FHL5: variants seen among roughly 807,000 people sequenced by gnomAD.
The protein encoded by FHL5 is four and a half LIM domains 5.
Under a neutral mutation model 32.0 loss-of-function variants are expected in FHL5, and 33 were observed. That is an observed-to-expected ratio of 1.03 (90% CI 0.78 to 1.38). The LOEUF is 1.38. FHL5 is among the 40% of genes most tolerant of loss of function. FHL5 has a pLI of 0.00. For synonymous variants in FHL5, 114 were observed against 113.6 expected, an observed-to-expected ratio of 1.00 and a Z score of -0.02; for missense variants, 336 against 343.9, an observed-to-expected ratio of 0.98 and a Z score of 0.18.
At chr6:96,573,124 A>G (rs1287586495) in intron 1 of FHL5, among the ~76,000 whole-genome samples, 1 of 152,180 alleles carries the variant, frequency 6.6e-6, no homozygotes. Flanking sequence ...ATTCATTCAT[A>G]TTTTCATTCA....
At chr6:96,602,446 T>C (rs1771172836) in intron 1 of FHL5, among the ~76,000 whole-genome samples, 8 of 114,006 alleles carry the variant, frequency 7.0e-5, no homozygotes, top group African/African-American at 1.2e-4. Flanking sequence ...TTTTTTTTTT[T>C]TTTTTTTTTT....
At chr6:96,585,046 T>G (rs1446583884) in intron 1 of FHL5, among the ~76,000 whole-genome samples, 1 of 152,130 alleles carries the variant, frequency 6.6e-6, no homozygotes, top group Admixed American at 6.6e-5. Context: ...CTACTGACTG[T>G]CCATCAGTCA....
Position 96,615,983 on chromosome 6 carries a change from A to C in FHL5, c.*211A>C. 1 of 371,554 alleles carries C rather than the reference A, an allele frequency of 2.7e-6. No individual in the cohort carries two copies. Among genetic ancestry groups the C allele is most frequent in the South Asian group, 7.0e-5 (1 of 14,216 alleles). 23.0% of individuals were successfully genotyped at this position (371,554 alleles called of 1,614,324 possible). ...GAATATATGCTAAATCACAAAGACA[A>C]CTCTCCTTGCAAAATACTGCACTCT... On this transcript the variant is annotated 3_prime_UTR_variant, in exon 6 of 6. Transcript: ENST00000450218.
chr6:96,602,426 C>CTTT lies in FHL5; in HGVS notation c.-12-1140_-12-1138dup, dbSNP rs1168636713. On this transcript the variant is annotated intron_variant, in intron 1 of 5. Transcript: ENST00000450218. Reference sequence around the variant, plus strand: ...ACCTGGAAATCTATATGCGTTGTTTCTTTTTTTTTTTTTTTTTTTTTTTTT... The same window carrying CTTT: ...ACCTGGAAATCTATATGCGTTGTTTCTTTTTTTTTTTTTTTTTTTTTTTTTTTT... 1.4e-3 allele frequency among the ~76,000 whole-genome samples: 48 copies of CTTT among 33,700 alleles called. 17 individuals are homozygous for CTTT. The highest frequency in any genetic ancestry group is 2.5e-3 in the African/African-American group (30 of 12,046). 22.1% of individuals were successfully genotyped at this position (33,700 alleles called of 152,430 possible). A position where few individuals can be genotyped will look rare whatever the true frequency, so the allele number is the denominator to read the frequency against.
In FHL5 at chr6:96,617,470, A is replaced by T. The variant is rs1262134426; in HGVS notation, c.*1698A>T. Among the ~76,000 whole-genome samples, 1 of 152,250 alleles carries T rather than the reference A, an allele frequency of 6.6e-6. No homozygotes were observed. The highest frequency in any genetic ancestry group is 1.5e-5 in the Non-Finnish European group (1 of 68,042). ...TAGAGATACTAATAAGTGTTCTGCT[A>T]GATAGACTATTTGAAAACTATAAAT... On this transcript the variant is annotated 3_prime_UTR_variant, in exon 6 of 6. Coordinates refer to ENST00000450218, the MANE Select transcript of FHL5 (RefSeq NM_001322466.2).
At position 96,610,730 on chromosome 6, in the gene FHL5, G is replaced by T; in HGVS notation, c.663G>T (p.Lys221Asn). Residue 221 changes from lysine (K) to asparagine (N), a missense_variant, in exon 5 of 6, where the codon AAG becomes AAT. Coordinates refer to ENST00000450218, the MANE Select transcript of FHL5 (RefSeq NM_001322466.2). ...GCTACAACCATCTTTATGCCAACAA[G>T]TGTGTAGCCTGTTCCAAACCCATTA... is the stretch of plus-strand genomic sequence containing the variant. ...VDCYNHLYAN[K>N]CVACSKPISG... is the part of the protein sequence containing the mutation. 6.2e-7 allele frequency: 1 copy of T among 1,613,642 alleles called. No homozygotes were observed. Among genetic ancestry groups the T allele is most frequent in the Admixed American group, 1.7e-5 (1 of 60,022 alleles).
intron 1 of FHL5, among the ~76,000 whole-genome samples, chr6:96,592,173 G>A (rs914280083): frequency 1.3e-5 from 2 of 152,054 alleles, no homozygotes; most frequent in African/African-American, 4.8e-5. Flanking sequence ...AATAAGCCTG[G>A]GAGCACTATG....
intron 1 of FHL5, among the ~76,000 whole-genome samples, chr6:96,600,225 T>C (rs1771120915): frequency 6.6e-6 from 1 of 152,192 alleles, no homozygotes; most frequent in Non-Finnish European, 1.5e-5. Flanking sequence ...ATCAAAAGCT[T>C]GTTACTCAAT....
At chr6:96,571,615 C>A (rs894119438) in intron 1 of FHL5, among the ~76,000 whole-genome samples, 22 of 152,146 alleles carry the variant, frequency 1.4e-4, no homozygotes, top group African/African-American at 5.3e-4. Flanking sequence ...GAGCCAGGAT[C>A]TATGATTCTG....
chr6:96,576,855 TTAACAC>T (rs1770594863), intron 1 of FHL5, among the ~76,000 whole-genome samples: 1 of 152,232 alleles, frequency 6.6e-6, no homozygotes, highest in Non-Finnish European at 1.5e-5. Context: ...AGAATGAAGA[TTAACAC>T]TAAATTGTAA....
intron 1 of FHL5, among the ~76,000 whole-genome samples, chr6:96,578,754 A>G (rs1400814812): frequency 1.3e-5 from 2 of 152,144 alleles, no homozygotes; most frequent in Non-Finnish European, 2.9e-5. Context: ...AGACACAAGA[A>G]TCGCTTGAAC....
At chr6:96,591,354 G>A (rs930917127) in intron 1 of FHL5, among the ~76,000 whole-genome samples, 1 of 151,926 alleles carries the variant, frequency 6.6e-6, no homozygotes, top group Non-Finnish European at 1.5e-5. Context: ...TTTGACACAG[G>A]GTTGTTGTAC....
upstream of FHL5, chr6:96,562,607 TA>T (rs1469178748): frequency 5.3e-5 from 8 of 152,236 alleles, no homozygotes; most frequent in African/African-American, 1.9e-4. Flanking sequence ...AGCAGGGAAC[TA>T]CCTTGAGTAT....
Position 96,563,879 on chromosome 6 carries a change from C to T in FHL5, c.-13+524C>T, listed in dbSNP as rs574432250. ...TGCCTACTTTCCAGAAGTGGGCATACAAAAATTCATAATCTTTAATTTTCT... is the reference window on the plus strand; with the variant it reads ...TGCCTACTTTCCAGAAGTGGGCATATAAAAATTCATAATCTTTAATTTTCT... On this transcript the variant is annotated intron_variant, in intron 1 of 5. Transcript: ENST00000450218. Among the ~76,000 whole-genome samples, 3 of 152,184 alleles carry T rather than the reference C, an allele frequency of 2.0e-5. No individual in the cohort carries two copies. In the East Asian group the frequency reaches 5.8e-4, roughly 29 times the overall value.
chr6:96,570,263 G>C (rs1174617576), intron 1 of FHL5, among the ~76,000 whole-genome samples: 1 of 152,080 alleles, frequency 6.6e-6, no homozygotes, highest in Non-Finnish European at 1.5e-5. Context: ...TTCTTAGCTA[G>C]CAATTTTTTT....
intron 5 of FHL5, among the ~76,000 whole-genome samples, chr6:96,611,154 G>A (rs1771399639): frequency 6.6e-6 from 1 of 152,136 alleles, no homozygotes; most frequent in African/African-American, 2.4e-5. Flanking sequence ...TCTAAAATAG[G>A]ACCAAGCATC....
At chr6:96,568,634 G>A (rs555661309) in intron 1 of FHL5, among the ~76,000 whole-genome samples, 8 of 151,864 alleles carry the variant, frequency 5.3e-5, no homozygotes, top group African/African-American at 1.9e-4. Flanking sequence ...CAGACTTAAT[G>A]CCATTACTTG....
intron 1 of FHL5, among the ~76,000 whole-genome samples, chr6:96,583,984 G>A (rs1014521884): frequency 1.1e-4 from 16 of 151,824 alleles, no homozygotes; most frequent in Admixed American, 1.3e-4. Context: ...GCTTGTTTTG[G>A]ATTCCAAGTT....
At chr6:96,613,604 G>A (rs981601059) in intron 5 of FHL5, among the ~76,000 whole-genome samples, 7 of 152,172 alleles carry the variant, frequency 4.6e-5, no homozygotes, top group African/African-American at 1.7e-4. Context: ...CAAGGAAAAG[G>A]AATTTCAAAT....
Sources: gnomAD v4.1 joint callset for allele counts (sites outside exome capture counted in the v4.1 genomes callset) on GRCh38, gnomAD v4.1.1 for gene constraint, MANE v1.5 for transcripts, NCBI Gene and HGNC (gene_info 2026-07-23, HGNC 2026-07-21) for gene names.